NBL1: variants seen among roughly 807,000 people sequenced by gnomAD.
NBL1 encodes neuroblastoma suppressor of tumorigenicity 1.
NBL1 carries 9 observed loss-of-function variants against 16.0 expected under a neutral mutation model. The observed-to-expected ratio is 0.56, with a 90% CI of 0.34 to 0.98. The LOEUF is 0.98. Ranked by LOEUF, NBL1 falls within the 50% of genes least tolerant of loss-of-function variation. The probability of loss-of-function intolerance (pLI) is 0.02; values close to 1 mark genes in which losing one functional copy is unlikely to be tolerated. For synonymous variants in NBL1, 86 were observed against 100.7 expected, an observed-to-expected ratio of 0.85 and a Z score of 0.87; for missense variants, 196 against 243.1, an observed-to-expected ratio of 0.81 and a Z score of 1.29.
Position 19,647,389 on chromosome 1 carries a change from G to A in NBL1, c.-20+2943G>A, listed in dbSNP as rs540060837. Reference sequence around the variant, plus strand: ...TGATGTGAGCTATGATTGTGCCACCGCGCTCCAGCCTGGGTAACAGAGTGA... The same window carrying A: ...TGATGTGAGCTATGATTGTGCCACCACGCTCCAGCCTGGGTAACAGAGTGA... On this transcript the variant is annotated intron_variant, in intron 1 of 3. Transcript: ENST00000375136. Among the ~76,000 whole-genome samples the A allele has an allele frequency of 9.2e-5, 14 of 152,280 alleles. 1 individual carries two copies. The South Asian group carries it at 1.7e-3, about 18-fold the overall frequency.
upstream of NBL1, chr1:19,643,558 G>C: frequency 1.4e-6 from 2 of 1,433,884 alleles, no homozygotes; most frequent in Non-Finnish European, 1.8e-6. The surrounding 1 kb of genome is among the most constrained non-coding windows in gnomAD (Gnocchi z 4.7). Context: ...CCACTGATTA[G>C]ATAGGAACCC....
At chr1:19,644,304 C>G (rs1409047239), upstream of NBL1, 2 of 979,650 alleles carry the variant, frequency 2.0e-6, no homozygotes, top group Non-Finnish European at 2.4e-6. The surrounding 1 kb of genome is among the most constrained non-coding windows in gnomAD (Gnocchi z 4.6). Flanking sequence ...CGCGCCCGCC[C>G]GGGGCCGCAG....
intron 1 of NBL1, among the ~76,000 whole-genome samples, chr1:19,652,461 C>T (rs199819783): frequency 6.6e-6 from 1 of 151,940 alleles, no homozygotes; most frequent in Non-Finnish European, 1.5e-5. Flanking sequence ...TGGGAGGCGG[C>T]GGGGGGGCAG....
At position 19,644,799 on chromosome 1, in the gene NBL1, C is replaced by A. The variant is rs1409832761; in HGVS notation, c.-20+353C>A. 1.3e-5 allele frequency among the ~76,000 whole-genome samples: 2 copies of A among 151,616 alleles called. No individual in the cohort carries two copies. The highest frequency in any genetic ancestry group is 3.0e-5 in the Non-Finnish European group (2 of 67,786). On this transcript the variant is annotated intron_variant, in intron 1 of 3. Transcript: ENST00000375136. This position sits in a 1 kb window ranked among gnomAD's most constrained non-coding sequence, Gnocchi z 4.6. ...GGCCGGGCGGGCCGGGCTCGCATGT[C>A]CCCCGGCCGTGCCCGGGCCTCGCCG...
intron 1 of NBL1, among the ~76,000 whole-genome samples, chr1:19,648,040 G>A (rs2094995022): frequency 6.6e-6 from 1 of 152,110 alleles, no homozygotes; most frequent in African/African-American, 2.4e-5. Context: ...TGGGGTGAGT[G>A]GATACACTCT....
At chr1:19,647,003 A>G (rs1267466181) in intron 1 of NBL1, among the ~76,000 whole-genome samples, 2 of 152,220 alleles carry the variant, frequency 1.3e-5, no homozygotes, top group Admixed American at 1.3e-4. Flanking sequence ...GGAGGATAAG[A>G]GGCCCAAGCT....
At chr1:19,648,320 G>A (rs1244394487) in intron 1 of NBL1, among the ~76,000 whole-genome samples, 4 of 152,152 alleles carry the variant, frequency 2.6e-5, no homozygotes, top group Admixed American at 2.6e-4. Context: ...GTTAATCGAA[G>A]CCCCTTTCCT....
rs549910984 is a variant in NBL1 at position 19,647,649 on chromosome 1, C to T, written c.-20+3203C>T. ...TCGTTGTGCATGCGGACTGTGGTGTCACCTGAATGCTGAGCCCACAGGTAG... is the reference window on the plus strand; with the variant it reads ...TCGTTGTGCATGCGGACTGTGGTGTTACCTGAATGCTGAGCCCACAGGTAG... On this transcript the variant is annotated intron_variant, in intron 1 of 3. Coordinates refer to ENST00000375136, the MANE Select transcript of NBL1 (RefSeq NM_005380.8). 1.8e-5 allele frequency: 18 copies of T among 985,426 alleles called. No individual in the cohort carries two copies. In the South Asian group the frequency reaches 5.2e-4, roughly 28 times the overall value. 61.0% of individuals were successfully genotyped at this position (985,426 alleles called of 1,614,324 possible). A position where few individuals can be genotyped will look rare whatever the true frequency, so the allele number is the denominator to read the frequency against.
chr1:19,655,043 G>A lies in NBL1; in HGVS notation c.13G>A (p.Val5Ile). 1 of 1,609,740 alleles carries A rather than the reference G, an allele frequency of 6.2e-7. No individual in the cohort carries two copies. The highest frequency in any genetic ancestry group is 8.5e-7 in the Non-Finnish European group (1 of 1,178,920). MMLR[V>I]LVGAVLPAML... is the part of the protein sequence containing the mutation. The stretch of plus-strand genomic sequence containing the variant: ...GGAGGCCACGGGCATGATGCTTCGG[G>A]TCCTGGTGGGGGCTGTCCTCCCTGC... The change falls in exon 2 of 4, where the codon GTC becomes ATC. Residue 5 changes from valine (V) to isoleucine (I), a missense_variant. Physicochemically the swap from Val to Ile is conservative, Grantham distance 29 (BLOSUM62 3). Transcript: ENST00000375136.
chr1:19,654,717 C>T (rs2095046339), intron 1 of NBL1, among the ~76,000 whole-genome samples: 2 of 152,098 alleles, frequency 1.3e-5, no homozygotes, highest in East Asian at 3.9e-4. Flanking sequence ...GTAACTTGCT[C>T]AAGGCAATTT....
At chr1:19,644,159 C>T (rs1421429346), upstream of NBL1, 3 of 979,826 alleles carry the variant, frequency 3.1e-6, no homozygotes, top group Non-Finnish European at 3.6e-6. The surrounding 1 kb of genome is among the most constrained non-coding windows in gnomAD (Gnocchi z 4.6). Context: ...GCCGCGGCGC[C>T]CCCTCCTGCG....
intron 1 of NBL1, among the ~76,000 whole-genome samples, chr1:19,649,207 T>G (rs980773448): frequency 6.6e-6 from 1 of 152,142 alleles, no homozygotes. Flanking sequence ...AGCAGATTTC[T>G]TGGCCTCTCT....
intron 1 of NBL1, among the ~76,000 whole-genome samples, chr1:19,652,920 G>A (rs535067794): frequency 2.2e-4 from 33 of 152,092 alleles, no homozygotes; most frequent in African/African-American, 5.8e-4. Flanking sequence ...CCCGGGAGGC[G>A]GAGGTTGCAG....
chr1:19,655,243 A>C (rs1223773409), intron 2 of NBL1, 43 bp downstream of exon 2: 1 of 1,608,462 alleles, frequency 6.2e-7, no homozygotes, highest in Admixed American at 1.7e-5. Flanking sequence ...ACAGGGGTCC[A>C]AGGAGGGAGG....
intron 3 of NBL1, among the ~76,000 whole-genome samples, chr1:19,656,602 G>T (rs368827659): frequency 6.6e-6 from 1 of 152,124 alleles, no homozygotes; most frequent in South Asian, 2.1e-4. Context: ...CGCGGCGGTG[G>T]GGGCGATTTT....
chr1:19,644,353 G>GC lies in NBL1; in HGVS notation c.-107dup, dbSNP rs1335326910. On this transcript the variant is annotated 5_prime_UTR_variant, in exon 1 of 4. Coordinates refer to ENST00000375136, the MANE Select transcript of NBL1 (RefSeq NM_005380.8). This position sits in a 1 kb window ranked among gnomAD's most constrained non-coding sequence, Gnocchi z 4.6. ...CAGCCCAGCCGAGCGTCGCGGGGCC[G>GC]CCCCCCGCCCTGCCGGCCGCCTCGC... The GC allele has an allele frequency of 2.0e-6, 2 of 977,682 alleles. No individual in the cohort carries two copies. The highest frequency in any genetic ancestry group is 2.4e-6 in the Non-Finnish European group (2 of 826,344). 60.6% of individuals were successfully genotyped at this position (977,682 alleles called of 1,614,324 possible).
chr1:19,655,178 G>T lies in NBL1; in HGVS notation c.148G>T (p.Glu50Ter), dbSNP rs755180124. ...CCAGATCGTGGGCCACAGCGGCTGT[G>T]AGGCCAAGTCCATCCAGAACAGGTG... ...ITQIVGHSGC[E>*]AKSIQNRACL... The change falls in exon 2 of 4, where the codon GAG becomes TAG. Residue 50 changes from glutamate (E) to a stop codon, truncating the protein, a stop_gained. Transcript: ENST00000375136. LOFTEE classifies it high-confidence loss of function. 5 of 1,608,996 alleles carry T rather than the reference G, an allele frequency of 3.1e-6. No homozygotes were observed. The highest frequency in any genetic ancestry group is 1.7e-5 in the Admixed American group (1 of 59,328).
At chr1:19,645,800 C>G in intron 1 of NBL1, 2 of 1,440,240 alleles carry the variant, frequency 1.4e-6, no homozygotes, top group Non-Finnish European at 1.8e-6. Flanking sequence ...AGTAGGTGTT[C>G]TGCATCGGCC....
At position 19,645,345 on chromosome 1, in the gene NBL1, CG is replaced by C. The variant is rs1002274747; in HGVS notation, c.-20+900del. The C allele has an allele frequency of 5.1e-6, 5 of 985,616 alleles. No individual in the cohort carries two copies. The African/African-American group carries it at 8.7e-5, about 17-fold the overall frequency. 61.1% of individuals were successfully genotyped at this position (985,616 alleles called of 1,614,324 possible). A position where few individuals can be genotyped will look rare whatever the true frequency, so the allele number is the denominator to read the frequency against. ...CCTGCTGCGGGCCACCTGCCCGGCC[CG>C]CTCCCAGGGCGGGGCGATTCTGATC... On this transcript the variant is annotated intron_variant, in intron 1 of 3. Coordinates refer to ENST00000375136, the MANE Select transcript of NBL1 (RefSeq NM_005380.8).
Sources: allele counts gnomAD v4.1 joint callset (sites outside exome capture counted in the v4.1 genomes callset), GRCh38; gene constraint gnomAD v4.1.1; non-coding constraint Gnocchi (gnomAD v3.1); transcripts MANE v1.5; gene names NCBI Gene and HGNC (gene_info 2026-07-23, HGNC 2026-07-21).